UBE3C: variants seen among roughly 807,000 people sequenced by gnomAD.
The protein encoded by UBE3C is ubiquitin-protein ligase E3C.
A neutral mutation model predicts 129.4 loss-of-function variants in UBE3C; 42 were observed. The ratio of observed to expected loss-of-function variants is 0.32; its 90% CI spans 0.25 to 0.42. UBE3C has a LOEUF of 0.42. Among genes scored for constraint, UBE3C ranks in the 10% least tolerant of loss-of-function variants. UBE3C has a pLI of 1.00. For missense variants in UBE3C, 1,049 were observed against 1,319.1 expected (o/e 0.80, Z 3.17); for synonymous variants, 510 against 492.4 (o/e 1.04, Z -0.47).
At chr7:157,236,241 T>A (rs1199209986) in intron 18 of UBE3C, among the ~76,000 whole-genome samples, 2 of 145,680 alleles carry the variant, frequency 1.4e-5, no homozygotes, top group Non-Finnish European at 3.0e-5. Context: ...CATCTTGAAC[T>A]TTTTTTTACA....
At chr7:157,241,652 C>T (rs1156332175) in intron 18 of UBE3C, among the ~76,000 whole-genome samples, 1 of 152,210 alleles carries the variant, frequency 6.6e-6, no homozygotes, top group Admixed American at 6.5e-5. Context: ...TTAGCAGTTC[C>T]TCAAAAGGTT....
chr7:157,265,876 C>T (rs1323269247), intron 22 of UBE3C, among the ~76,000 whole-genome samples: 1 of 152,206 alleles, frequency 6.6e-6, no homozygotes, highest in Non-Finnish European at 1.5e-5. Flanking sequence ...ATGAACACAT[C>T]TGAAAAACAA....
At chr7:157,202,426 G>A (rs1809316110) in intron 11 of UBE3C, among the ~76,000 whole-genome samples, 1 of 152,194 alleles carries the variant, frequency 6.6e-6, no homozygotes, top group South Asian at 2.1e-4. Flanking sequence ...GGAGGCCGAG[G>A]CCAGCGGATC....
chr7:157,208,379 A>C (rs988426362), intron 13 of UBE3C, among the ~76,000 whole-genome samples: 2 of 150,866 alleles, frequency 1.3e-5, no homozygotes, highest in Non-Finnish European at 3.0e-5. Context: ...GCTGGCCTAT[A>C]TACCTTTTTA....
intron 18 of UBE3C, among the ~76,000 whole-genome samples, chr7:157,237,442 A>G (rs1236590914): frequency 6.6e-6 from 1 of 152,088 alleles, no homozygotes; most frequent in African/African-American, 2.4e-5. Flanking sequence ...CTCCGTCTCA[A>G]AAAAAAAGAA....
At chr7:157,170,739 G>C (rs937828141) in intron 4 of UBE3C, among the ~76,000 whole-genome samples, 1 of 152,176 alleles carries the variant, frequency 6.6e-6, no homozygotes, top group Non-Finnish European at 1.5e-5. Flanking sequence ...CATGTACCCT[G>C]ACACAGCCTT....
chr7:157,246,742 G>C (rs1796486317), intron 18 of UBE3C, among the ~76,000 whole-genome samples: 1 of 152,132 alleles, frequency 6.6e-6, no homozygotes, highest in South Asian at 2.1e-4. Context: ...CCAGACAGTA[G>C]GAAGGCCCGT....
chr7:157,221,367 C>T (rs1795731288), intron 15 of UBE3C: 1 of 152,348 alleles, frequency 6.6e-6, no homozygotes, highest in African/African-American at 2.4e-5. Flanking sequence ...GGCTGCACGG[C>T]TTTGCATTCA....
rs182992357 is a variant in UBE3C, at chr7:157,245,891, T to C, written c.2482-2477T>C. ...CTGTAGTCCCAGCTACTCAGGAAACTGAGACAGGAGAATCGCTTGAACTCG... is the reference window on the plus strand; with the variant it reads ...CTGTAGTCCCAGCTACTCAGGAAACCGAGACAGGAGAATCGCTTGAACTCG... On this transcript the variant is annotated intron_variant, in intron 18 of 22. Transcript: ENST00000348165. Among the ~76,000 whole-genome samples the C allele has an allele frequency of 8.5e-4, 125 of 147,094 alleles. 1 individual carries two copies. The Middle Eastern group carries it at 0.027, about 32-fold the overall frequency.
chr7:157,177,529 G>T (rs954849204), intron 5 of UBE3C, among the ~76,000 whole-genome samples: 6 of 152,298 alleles, frequency 3.9e-5, no homozygotes, highest in African/African-American at 1.4e-4. Context: ...TTGACAAGAG[G>T]CTCTCCCACC....
chr7:157,261,310 A>T (rs970628354), intron 22 of UBE3C, among the ~76,000 whole-genome samples: 1 of 58,294 alleles, frequency 1.7e-5, no homozygotes, highest in Admixed American at 2.0e-4. Flanking sequence ...CTGTCTGAAA[A>T]AAAAAAAAAA....
intron 10 of UBE3C, chr7:157,188,888 G>A: frequency 1.7e-6 from 1 of 572,208 alleles, no homozygotes; most frequent in East Asian, 2.7e-5. Flanking sequence ...ATTAATATTA[G>A]TCCCTTTTAT....
chr7:157,154,040 C>A (rs1331526278), intron 1 of UBE3C, among the ~76,000 whole-genome samples: 1 of 147,754 alleles, frequency 6.8e-6, no homozygotes, highest in Non-Finnish European at 1.5e-5. Flanking sequence ...AAATGATAGG[C>A]CGGGCACGGT....
chr7:157,174,374 C>T (rs746144552), intron 4 of UBE3C, among the ~76,000 whole-genome samples: 7 of 152,104 alleles, frequency 4.6e-5, no homozygotes, highest in Non-Finnish European at 7.4e-5. Context: ...TTGACATGAG[C>T]TTTAAGTGTA....
chr7:157,154,829 A>C (rs1042732488), intron 1 of UBE3C, among the ~76,000 whole-genome samples: 2 of 152,222 alleles, frequency 1.3e-5, no homozygotes, highest in Non-Finnish European at 2.9e-5. Context: ...TTATTTTTAA[A>C]AATGAGCTCT....
intron 15 of UBE3C, chr7:157,221,407 T>A (rs1405029095): frequency 6.6e-6 from 1 of 152,012 alleles, no homozygotes; most frequent in Non-Finnish European, 1.5e-5. Flanking sequence ...CCTCTGTTGT[T>A]CCCAGTCCTC....
chr7:157,262,897 A>T (rs1796957715), intron 22 of UBE3C: 2 of 152,228 alleles, frequency 1.3e-5, no homozygotes, highest in African/African-American at 4.8e-5. Context: ...AGAATGGGAC[A>T]TTGCTCTAGT....
intron 10 of UBE3C, chr7:157,192,402 C>T: frequency 1.4e-6 from 1 of 706,978 alleles, no homozygotes; most frequent in South Asian, 1.4e-5. Flanking sequence ...ACGGGGAAGA[C>T]CATCACCCTC....
chr7:157,170,345 G>T lies in UBE3C; in HGVS notation c.237G>T (p.Leu79Phe). The change falls in exon 4 of 23, where the codon TTG becomes TTT. Residue 79 changes from leucine to phenylalanine, a missense_variant. Leu to Phe is a conservative substitution (Grantham distance 22). Coordinates refer to ENST00000348165, the MANE Select transcript of UBE3C (RefSeq NM_014671.3). ...QRSAFDRCATLSQSGGAFPIA... is the reference protein window; with the variant it reads ...QRSAFDRCATFSQSGGAFPIA... ...GTGCATTTGATCGCTGTGCTACCTT[G>T]TCACAGTCCGGGGGCGCTTTTCCCA... is the stretch of plus-strand genomic sequence containing the variant. 1.3e-6 allele frequency: 2 copies of T among 1,559,778 alleles called. No individual in the cohort carries two copies. Among genetic ancestry groups the T allele is most frequent in the South Asian group, 1.2e-5 (1 of 81,480 alleles).
Sources: allele counts gnomAD v4.1 joint callset (sites outside exome capture counted in the v4.1 genomes callset), GRCh38; gene constraint gnomAD v4.1.1; transcripts MANE v1.5; gene names NCBI Gene and HGNC (gene_info 2026-07-23, HGNC 2026-07-21).